MRC1: variants seen among roughly 807,000 people sequenced by gnomAD.
MRC1 encodes the protein mannose receptor C-type 1, also known as macrophage mannose receptor 1.
A neutral mutation model predicts 102.9 loss-of-function variants in MRC1; 62 were observed. That is an observed-to-expected ratio of 0.60 (90% confidence interval 0.49 to 0.74). MRC1 has a LOEUF of 0.74. Ranked by LOEUF, MRC1 falls within the 30% of genes least tolerant of loss-of-function variation. The probability of loss-of-function intolerance (pLI) is 0.00; values close to 1 mark genes in which losing one functional copy is unlikely to be tolerated. For synonymous variants in MRC1, 457 were observed against 298.4 expected (o/e 1.53, Z -5.48); for missense variants, 1,237 against 862.8 (o/e 1.43, Z -5.43).
At chr10:17,842,024 G>A (rs1033849147) in intron 5 of MRC1, among the ~76,000 whole-genome samples, 1 of 152,104 alleles carries the variant, frequency 6.6e-6, no homozygotes, top group Non-Finnish European at 1.5e-5. Context: ...GTGCAGTGGC[G>A]CAGTCTCAGC....
At chr10:17,878,048 T>G in intron 18 of MRC1, 81 bp downstream of exon 18, 1 of 810,622 alleles carries the variant, frequency 1.2e-6, no homozygotes, top group Non-Finnish European at 2.2e-6. Flanking sequence ...GATTTTTCTT[T>G]GTGGAATGCA....
At chr10:17,858,537 G>T (rs1206113629) in intron 9 of MRC1, among the ~76,000 whole-genome samples, 2 of 152,162 alleles carry the variant, frequency 1.3e-5, no homozygotes, top group Admixed American at 6.5e-5. Context: ...GCCCAGGCTG[G>T]AGTGCAGTGG....
chr10:17,903,878 C>T (rs1833862403), intron 26 of MRC1, among the ~76,000 whole-genome samples: 2 of 151,972 alleles, frequency 1.3e-5, no homozygotes, highest in Non-Finnish European at 2.9e-5. Context: ...ATCACTTGAA[C>T]CCAGGAGGTG....
At chr10:17,898,608 G>C (rs1445063666) in intron 24 of MRC1, among the ~76,000 whole-genome samples, 2 of 152,190 alleles carry the variant, frequency 1.3e-5, no homozygotes, top group Non-Finnish European at 2.9e-5. Flanking sequence ...TGAGAATTAA[G>C]AAAGCAGGTT....
chr10:17,837,148 G>A (rs1554839529), intron 4 of MRC1, among the ~76,000 whole-genome samples: 1 of 152,166 alleles, frequency 6.6e-6, no homozygotes, highest in African/African-American at 2.4e-5. Flanking sequence ...GGCTTTTCTT[G>A]TGTCTATCAG....
chr10:17,886,521 C>G (rs1162093385), intron 22 of MRC1, among the ~76,000 whole-genome samples: 3 of 152,124 alleles, frequency 2.0e-5, no homozygotes, highest in Admixed American at 1.3e-4. Context: ...CCTGCCTCAG[C>G]CTCCCAAGTA....
In MRC1 at chr10:17,866,648, G is replaced by A. The variant is rs1833272227; in HGVS notation, c.1870G>A (p.Val624Met). The A allele has an allele frequency of 2.6e-6, 2 of 780,716 alleles. No individual in the cohort carries two copies. Among genetic ancestry groups the A allele is most frequent in the Admixed American group, 3.4e-5 (2 of 59,002 alleles). 48.4% of individuals were successfully genotyped at this position (780,716 alleles called of 1,614,324 possible). A position where few individuals can be genotyped will look rare whatever the true frequency, so the allele number is the denominator to read the frequency against. ...VLKCDEKAKF[V>M]CKHWAEGVTH... ...GAAATGTGATGAAAAGGCAAAATTTGTGTGCAAGCACTGGGCAGAAGGAGT... is the reference window on the plus strand; with the variant it reads ...GAAATGTGATGAAAAGGCAAAATTTATGTGCAAGCACTGGGCAGAAGGAGT... Residue 624 changes from valine to methionine, a missense_variant, in exon 12 of 30, where the codon GTG (valine) becomes ATG (methionine). Physicochemically the swap from Val to Met is conservative, Grantham distance 21. Coordinates refer to ENST00000569591, the MANE Select transcript of MRC1 (RefSeq NM_002438.4).
intron 1 of MRC1, among the ~76,000 whole-genome samples, chr10:17,816,804 TAGTC>T (rs1838319616): frequency 6.6e-6 from 1 of 152,204 alleles, no homozygotes; most frequent in African/African-American, 2.4e-5. Flanking sequence ...TATTTGCTGA[TAGTC>T]AGGAAAATCT....
chr10:17,817,137 C>A (rs1010477235), intron 1 of MRC1, among the ~76,000 whole-genome samples: 8 of 151,574 alleles, frequency 5.3e-5, no homozygotes, highest in Admixed American at 1.3e-4. Flanking sequence ...ATAGTCCCAG[C>A]TCCTGAGGAG....
chr10:17,823,710 CT>C (rs749420085), intron 2 of MRC1, among the ~76,000 whole-genome samples: 114 of 152,294 alleles, frequency 7.5e-4, no homozygotes, highest in Non-Finnish European at 2.4e-4. Context: ...GGAAGACATT[CT>C]TTTAACTTTC....
At position 17,840,812 on chromosome 10, in the gene MRC1, G is replaced by A; in HGVS notation, c.916+6G>A. The A allele has an allele frequency of 2.6e-6, 2 of 780,808 alleles. No homozygotes were observed. Among genetic ancestry groups the A allele is most frequent in the South Asian group, 1.3e-5 (1 of 74,608 alleles). The allele number at this position is 780,808 out of a possible 1,614,324, so 48.4% of individuals were successfully genotyped here. ...ATATTTGAACTGGTTACCAGGTAGG[G>A]TTAAGCCTGTTTGTGTCGAATTAAT... On this transcript the variant is annotated splice_donor_region_variant and intron_variant, in intron 5 of 29. Transcript: ENST00000569591.
chr10:17,845,171 A>G, intron 5 of MRC1, 118 bp from the exon 6 acceptor site: 4 of 779,898 alleles, frequency 5.1e-6, no homozygotes, highest in South Asian at 4.0e-5. Flanking sequence ...ATGTGTAGCA[A>G]AAGACAGAAT....
chr10:17,910,262 G>A lies in MRC1; in HGVS notation c.4168G>A (p.Gly1390Arg), dbSNP rs1476545729. The A allele has an allele frequency of 6.4e-6, 5 of 780,730 alleles. No individual in the cohort carries two copies. Among genetic ancestry groups the A allele is most frequent in the African/African-American group, 1.7e-5 (1 of 59,128 alleles). 48.4% of individuals were successfully genotyped at this position (780,730 alleles called of 1,614,324 possible). A position where few individuals can be genotyped will look rare whatever the true frequency, so the allele number is the denominator to read the frequency against. ...DPSKPSSNVA[G>R]VVIIVILLIL... ...TTCTAAACCGTCTTCCAACGTGGCCGGAGTAGTCATCATTGTGATCCTCCT... is the reference window on the plus strand; with the variant it reads ...TTCTAAACCGTCTTCCAACGTGGCCAGAGTAGTCATCATTGTGATCCTCCT... Residue 1390 changes from glycine to arginine, a missense_variant, in exon 30 of 30, where the codon GGA becomes AGA. Physicochemically the swap from Gly to Arg is moderately radical, Grantham distance 125. Transcript: ENST00000569591.
intron 12 of MRC1, among the ~76,000 whole-genome samples, chr10:17,870,002 A>G (rs917192778): frequency 3.3e-4 from 50 of 152,186 alleles, no homozygotes; most frequent in Non-Finnish European, 1.2e-4. Context: ...ATTTTCATCT[A>G]ATTTCTCTTG....
chr10:17,889,372 A>G (rs1359036211), intron 22 of MRC1, among the ~76,000 whole-genome samples: 2 of 151,884 alleles, frequency 1.3e-5, no homozygotes, highest in African/African-American at 2.4e-5. Context: ...GTATGATTTT[A>G]TTTGTTCTCC....
chr10:17,815,928 G>A (rs1426519001), intron 1 of MRC1, among the ~76,000 whole-genome samples: 1 of 152,044 alleles, frequency 6.6e-6, no homozygotes, highest in Non-Finnish European at 1.5e-5. Context: ...GTGGGTTCAA[G>A]AGATTCTCCT....
chr10:17,813,078 A>T (rs1193490793), intron 1 of MRC1, among the ~76,000 whole-genome samples: 2 of 152,212 alleles, frequency 1.3e-5, no homozygotes, highest in Non-Finnish European at 2.9e-5. Flanking sequence ...GAAATGATGC[A>T]TTTTGACATC....
At position 17,853,289 on chromosome 10, in the gene MRC1, A is replaced by G. The variant is rs1043014308; in HGVS notation, c.1407+165A>G. Among the ~76,000 whole-genome samples, 84 of 152,274 alleles carry G rather than the reference A, an allele frequency of 5.5e-4. No individual in the cohort carries two copies. In the East Asian group the frequency reaches 0.012, roughly 22 times the overall value. ...GATTTGATTTCTTGAATCCCTCTCAACTGTCTAGCAAAGTCAAATTTTCAA... is the reference window on the plus strand; with the variant it reads ...GATTTGATTTCTTGAATCCCTCTCAGCTGTCTAGCAAAGTCAAATTTTCAA... On this transcript the variant is annotated intron_variant, in intron 8 of 29. Transcript: ENST00000569591.
At chr10:17,873,185 A>C (rs1471644800) in intron 15 of MRC1, among the ~76,000 whole-genome samples, 1 of 152,216 alleles carries the variant, frequency 6.6e-6, no homozygotes, top group African/African-American at 2.4e-5. Context: ...ACTAATTGGA[A>C]AGAAAAATAT....
Sources: allele counts gnomAD v4.1 joint callset (sites outside exome capture counted in the v4.1 genomes callset), GRCh38; gene constraint gnomAD v4.1.1; transcripts MANE v1.5; gene names NCBI Gene and HGNC (gene_info 2026-07-23, HGNC 2026-07-21).